The following MYO16 variants were observed in gnomAD, a reference collection of about 807,000 sequenced individuals.
MYO16 encodes the protein unconventional myosin-XVI.
MYO16 carries 94 observed loss-of-function variants against 205.3 expected under a neutral mutation model. The ratio of observed to expected loss-of-function variants is 0.46; its 90% CI spans 0.39 to 0.54. The LOEUF (loss-of-function observed/expected upper bound fraction) is 0.54, where lower values mean the gene tolerates loss of function less well. Ranked by LOEUF, MYO16 falls within the 20% of genes least tolerant of loss-of-function variation. MYO16 has a pLI of 0.00. For synonymous variants in MYO16, 988 were observed against 954.0 expected (o/e 1.04, Z -0.66); for missense variants, 2,315 against 2,387.5 (o/e 0.97, Z 0.63).
At chr13:109,151,561 C>A (rs1485283282) in intron 32 of MYO16, among the ~76,000 whole-genome samples, 2 of 152,002 alleles carry the variant, frequency 1.3e-5, no homozygotes, top group African/African-American at 2.4e-5. Context: ...TCCTAAAAGC[C>A]CAAAAAGAGC....
intron 16 of MYO16, among the ~76,000 whole-genome samples, chr13:108,945,571 T>A (rs1012237590): frequency 6.6e-6 from 1 of 152,202 alleles, no homozygotes; most frequent in Non-Finnish European, 1.5e-5. Context: ...TTATCTTGAC[T>A]TATTAGGATT....
At chr13:108,663,223 A>G (rs1053886766) in intron 1 of MYO16, among the ~76,000 whole-genome samples, 1 of 152,022 alleles carries the variant, frequency 6.6e-6, no homozygotes, top group African/African-American at 2.4e-5. Context: ...AAGCCTCTAC[A>G]TGCTGCTCTG....
At position 109,194,665 on chromosome 13, in the gene MYO16, T is replaced by G. The variant is rs181487747; in HGVS notation, c.5416-11944T>G. On this transcript the variant is annotated intron_variant, in intron 34 of 34. Transcript: ENST00000457511. ...ACATATATCTGGTTGGGTTGAAATA[T>G]AGAGACTGTGTCAGAATGGATGATG... is the stretch of plus-strand genomic sequence containing the variant. Among the ~76,000 whole-genome samples, 18 of 152,278 alleles carry G rather than the reference T, an allele frequency of 1.2e-4. No homozygotes were observed. The East Asian group carries it at 2.5e-3, about 21-fold the overall frequency.
chr13:108,635,669 T>G (rs955299889), intron 1 of MYO16, among the ~76,000 whole-genome samples: 3 of 151,950 alleles, frequency 2.0e-5, no homozygotes, highest in African/African-American at 7.3e-5. Flanking sequence ...CTCGGCTAAT[T>G]TTTTATTTTT....
At chr13:108,796,092 G>A (rs769523606) in intron 6 of MYO16, among the ~76,000 whole-genome samples, 1 of 152,122 alleles carries the variant, frequency 6.6e-6, no homozygotes, top group Non-Finnish European at 1.5e-5. Context: ...AGGGAGAGGC[G>A]CTGGGACCAG....
At chr13:108,986,275 G>C (rs1439339138) in intron 20 of MYO16, among the ~76,000 whole-genome samples, 1 of 152,142 alleles carries the variant, frequency 6.6e-6, no homozygotes, top group Non-Finnish European at 1.5e-5. Context: ...CATAGCTACA[G>C]TGCACGTTAT....
chr13:108,888,576 G>A (rs1324306393), intron 14 of MYO16, 99 bp downstream of exon 14: 2 of 631,336 alleles, frequency 3.2e-6, no homozygotes, highest in African/African-American at 3.8e-5. Context: ...ATACAAGGGG[G>A]TTCAAAATTT....
intron 4 of MYO16, among the ~76,000 whole-genome samples, chr13:108,783,343 A>G (rs959418862): frequency 1.3e-5 from 2 of 152,094 alleles, no homozygotes; most frequent in Non-Finnish European, 2.9e-5. Flanking sequence ...GTTTTGACCA[A>G]TTTCTCCCAT....
intron 16 of MYO16, among the ~76,000 whole-genome samples, chr13:108,938,873 G>T (rs753167456): frequency 6.6e-6 from 1 of 152,234 alleles, no homozygotes; most frequent in Non-Finnish European, 1.5e-5. Flanking sequence ...AATCTCAGGG[G>T]AGTAGGCTGG....
chr13:109,099,966 CG>C (rs1387538915), intron 27 of MYO16, among the ~76,000 whole-genome samples: 4 of 152,188 alleles, frequency 2.6e-5, no homozygotes, highest in African/African-American at 4.8e-5. Context: ...GCGTTTCCTT[CG>C]GCTTGCGGAA....
At chr13:109,123,364 C>T (rs1301952270) in intron 29 of MYO16, among the ~76,000 whole-genome samples, 2 of 152,206 alleles carry the variant, frequency 1.3e-5, no homozygotes, top group African/African-American at 4.8e-5. Flanking sequence ...GGCACATCCA[C>T]ATTAATCTTC....
the MYO16 span, among the ~76,000 whole-genome samples, chr13:108,590,831 C>A: frequency 1.1e-3 from 160 of 152,242 alleles, no homozygotes; most frequent in Non-Finnish European, 1.9e-3. Context: ...TTCCTTACAG[C>A]CTTCAGAAGG....
chr13:108,584,663 C>T, the MYO16 span, among the ~76,000 whole-genome samples: 2 of 152,162 alleles, frequency 1.3e-5, no homozygotes, highest in Admixed American at 6.5e-5. Context: ...CAACATTCTA[C>T]TCTCTACCTC....
At chr13:109,062,375 A>G (rs1887619503) in intron 27 of MYO16, among the ~76,000 whole-genome samples, 2 of 152,182 alleles carry the variant, frequency 1.3e-5, no homozygotes, top group Admixed American at 1.3e-4. Flanking sequence ...TTTTAAAGTA[A>G]TATTTCTGCA....
At chr13:108,665,161 C>T (rs1254465234) in intron 1 of MYO16, among the ~76,000 whole-genome samples, 1 of 152,180 alleles carries the variant, frequency 6.6e-6, no homozygotes, top group Non-Finnish European at 1.5e-5. Flanking sequence ...TCCTAGCTCA[C>T]TGCAACCTTA....
At chr13:108,995,545 C>T (rs1435377489) in intron 21 of MYO16, among the ~76,000 whole-genome samples, 1 of 152,030 alleles carries the variant, frequency 6.6e-6, no homozygotes, top group Admixed American at 6.6e-5. Flanking sequence ...CCCATCAACT[C>T]GTCATTTAAC....
chr13:108,828,925 G>A (rs1337796420), intron 9 of MYO16, among the ~76,000 whole-genome samples: 2 of 152,176 alleles, frequency 1.3e-5, no homozygotes. Context: ...ATATGTATTT[G>A]TTTGCCAGTC....
intron 23 of MYO16, among the ~76,000 whole-genome samples, chr13:109,022,481 TATGTTATATATA>T (rs1886091339): frequency 3.3e-5 from 4 of 121,478 alleles, no homozygotes; most frequent in African/African-American, 1.2e-4. Flanking sequence ...TGTATATATT[TATGTTATATATA>T]CAATATAAAC....
At chr13:108,713,444 C>T (rs1883801890) in intron 3 of MYO16, among the ~76,000 whole-genome samples, 1 of 152,194 alleles carries the variant, frequency 6.6e-6, no homozygotes, top group African/African-American at 2.4e-5. Flanking sequence ...GGGTCATGCC[C>T]TTAACTTCCA....
Sources: allele counts gnomAD v4.1 joint callset (sites outside exome capture counted in the v4.1 genomes callset), GRCh38; gene constraint gnomAD v4.1.1; transcripts MANE v1.5; gene names NCBI Gene and HGNC (gene_info 2026-07-23, HGNC 2026-07-21).